Variants in MCM3AP observed in about 807,000 individuals in gnomAD.
MCM3AP encodes the protein minichromosome maintenance complex component 3 associated protein.
In MCM3AP, 126 loss-of-function variants were observed where a neutral mutation model predicts 184.1. That is an observed-to-expected ratio of 0.68 (90% CI 0.59 to 0.79). The LOEUF (loss-of-function observed/expected upper bound fraction) is 0.79, where lower values mean the gene tolerates loss of function less well. MCM3AP is among the 30% of genes least tolerant of loss of function. The pLI is 0.00. For missense variants in MCM3AP, 2,496 were observed against 2,479.2 expected, an observed-to-expected ratio of 1.01 and a Z score of -0.14; for synonymous variants, 1,002 against 979.3, an observed-to-expected ratio of 1.02 and a Z score of -0.43.
At position 46,265,344 on chromosome 21, in the gene MCM3AP, G is replaced by A. The variant is rs1417461888; in HGVS notation, c.3211C>T (p.Pro1071Ser). The A allele has an allele frequency of 8.7e-6, 14 of 1,613,824 alleles. No individual in the cohort carries two copies. The East Asian group carries it at 2.9e-4, about 33-fold the overall frequency. ...SVQPEPPPPE[P>S]VPMYSDEDLA... is the part of the protein sequence containing the mutation. ...ACCTCGTCAGAGTACATGGGCACGG[G>A]CTCTGGAGGCGGTGGTTCAGGCTGC... is the stretch of plus-strand genomic sequence containing the variant. The change falls in exon 12 of 28, where the codon CCC becomes TCC. Residue 1071 changes from proline (P) to serine (S), a missense_variant. Pro to Ser is a moderately conservative substitution (Grantham distance 74, BLOSUM62 -1). This residue lies in a region of MCM3AP where 1,323 missense variants were observed against 1,273.4 expected (regional missense o/e 1.04). Transcript: ENST00000291688.
chr21:46,285,624 A>AT, upstream of MCM3AP: 1 of 205,782 alleles, frequency 4.9e-6, no homozygotes, highest in Non-Finnish European at 9.7e-6. Flanking sequence ...AAAAAAAAAA[A>AT]GCCGAATCTT....
In MCM3AP at chr21:46,254,532, AG is replaced by A; in HGVS notation, c.4002-7del. 6.2e-7 allele frequency: 1 copy of A among 1,613,938 alleles called. No homozygotes were observed. The highest frequency in any genetic ancestry group is 8.5e-7 in the Non-Finnish European group (1 of 1,180,028). ...GAGACGCCCATGCCACATCACTGGGAGGAACAGACCACCGTGGATTAGCCAG... is the reference window on the plus strand; with the variant it reads ...GAGACGCCCATGCCACATCACTGGGAGAACAGACCACCGTGGATTAGCCAG... On this transcript the variant is annotated splice_region_variant and splice_polypyrimidine_tract_variant and intron_variant, in intron 18 of 27. Coordinates refer to ENST00000291688, the MANE Select transcript of MCM3AP (RefSeq NM_003906.5).
Position 46,273,535 on chromosome 21 carries a change from C to T in MCM3AP, c.2049G>A (p.Gln683=). The change falls in exon 7 of 28, where the codon CAG becomes CAA. Residue 683 remains glutamine (Q), a synonymous_variant. Coordinates refer to ENST00000291688, the MANE Select transcript of MCM3AP (RefSeq NM_003906.5). ...GCAGCTCGTGGGGCAGGGGCTCCTC[C>T]TGATCCGCCGAGGACCGACTGTACT... The part of the protein sequence containing the change: ...VKEYSRSSAD[Q]EEPLPHELRP... 6.2e-7 allele frequency: 1 copy of T among 1,613,784 alleles called. No homozygotes were observed. Among genetic ancestry groups the T allele is most frequent in the Non-Finnish European group, 8.5e-7 (1 of 1,179,822 alleles).
Position 46,261,390 on chromosome 21 carries a change from C to T in MCM3AP, c.3357G>A (p.Glu1119=). 6.2e-7 allele frequency: 1 copy of T among 1,614,098 alleles called. No individual in the cohort carries two copies. Among genetic ancestry groups the T allele is most frequent in the East Asian group, 2.2e-5 (1 of 44,872 alleles). ...CCGTGGTTGCAGCTGTTAACAAATC[C>T]TCCATAGCAGCATTAGAAACACTAA... The part of the protein sequence containing the change: ...AALGVSNAAM[E]DLLTAATTGI... The change falls in exon 14 of 28, where the codon GAG becomes GAA. Residue 1119 remains glutamate, a synonymous_variant. Transcript: ENST00000291688.
chr21:46,271,735 C>A (rs1451800827), intron 8 of MCM3AP, among the ~76,000 whole-genome samples: 1 of 151,818 alleles, frequency 6.6e-6, no homozygotes, highest in Non-Finnish European at 1.5e-5. Flanking sequence ...GTGGTATGTG[C>A]CTGTAATCCC....
chr21:46,274,975 C>T (rs556902597), intron 6 of MCM3AP, among the ~76,000 whole-genome samples: 7 of 146,338 alleles, frequency 4.8e-5, no homozygotes, highest in Non-Finnish European at 9.1e-5. Context: ...TGAAAAACAA[C>T]TTTATTTAAA....
intron 13 of MCM3AP, among the ~76,000 whole-genome samples, chr21:46,262,743 G>A (rs1255676204): frequency 6.6e-6 from 1 of 151,764 alleles, no homozygotes; most frequent in Non-Finnish European, 1.5e-5. Flanking sequence ...CGAGGCGGGT[G>A]GATCAGGAGG....
At chr21:46,261,134 G>A in intron 14 of MCM3AP, 146 bp downstream of exon 14, 1 of 1,082,510 alleles carries the variant, frequency 9.2e-7, no homozygotes, top group Admixed American at 2.0e-5. Context: ...CCACCCCCTG[G>A]GCTGAAGCAT....
chr21:46,272,960 G>A, intron 7 of MCM3AP, 131 bp from the exon 8 acceptor site: 1 of 870,592 alleles, frequency 1.1e-6, no homozygotes, highest in Non-Finnish European at 1.7e-6. Context: ...CATTTTAATA[G>A]GACTTTGTAG....
chr21:46,282,336 G>GA (rs1018338331), intron 2 of MCM3AP, among the ~76,000 whole-genome samples: 1 of 152,020 alleles, frequency 6.6e-6, no homozygotes, highest in Non-Finnish European at 1.5e-5. Flanking sequence ...GCCAACAGAC[G>GA]AATCAACAAA....
chr21:46,278,440 G>C (rs1313841022), intron 4 of MCM3AP, among the ~76,000 whole-genome samples: 3 of 152,152 alleles, frequency 2.0e-5, no homozygotes, highest in Non-Finnish European at 4.4e-5. Flanking sequence ...TCACAAAACG[G>C]AAAGTGAGGA....
At chr21:46,281,298 C>T (rs1301696640) in intron 2 of MCM3AP, among the ~76,000 whole-genome samples, 1 of 152,114 alleles carries the variant, frequency 6.6e-6, no homozygotes, top group Non-Finnish European at 1.5e-5. Context: ...CACACAAAAC[C>T]AACCACGTTA....
At chr21:46,259,151 C>T in intron 15 of MCM3AP, 60 bp from the exon 16 acceptor site, 1 of 1,541,036 alleles carries the variant, frequency 6.5e-7, no homozygotes, top group Non-Finnish European at 8.8e-7. Flanking sequence ...ACACTGAGGG[C>T]TTGCTTGAAA....
rs778139331 is a variant in MCM3AP at position 46,265,976 on chromosome 21, G to A, written c.2980C>T (p.Leu994=). ...GTGCTGACGGGCAGCTCCGCGGCCAGGCTCTCCCCGATGTACTTGTTCTGG... is the reference window on the plus strand; with the variant it reads ...GTGCTGACGGGCAGCTCCGCGGCCAAGCTCTCCCCGATGTACTTGTTCTGG... ...NSQNKYIGES[L]AAELPVSTQR... is the part of the protein sequence containing the mutation. The change falls in exon 11 of 28, where the codon CTG becomes TTG. Residue 994 remains leucine, a synonymous_variant. Coordinates refer to ENST00000291688, the MANE Select transcript of MCM3AP (RefSeq NM_003906.5). 2 of 1,605,124 alleles carry A rather than the reference G, an allele frequency of 1.2e-6. No homozygotes were observed. The highest frequency in any genetic ancestry group is 4.5e-5 in the East Asian group (2 of 44,706).
chr21:46,262,935 T>C (rs1356358407), intron 13 of MCM3AP, among the ~76,000 whole-genome samples: 1 of 117,136 alleles, frequency 8.5e-6, no homozygotes, highest in Non-Finnish European at 1.6e-5. Context: ...GCCACTGCAC[T>C]CCAGCCTGGG....
chr21:46,245,037 T>A lies in MCM3AP; in HGVS notation c.4808A>T (p.Gln1603Leu), dbSNP rs1264893858. Residue 1603 changes from glutamine (Q) to leucine (L), a missense_variant, in exon 23 of 28, where the codon CAG becomes CTG. Coordinates refer to ENST00000291688, the MANE Select transcript of MCM3AP (RefSeq NM_003906.5). The stretch of plus-strand genomic sequence containing the variant: ...CAGCTCAATGATGGCGCCAGGCTCC[T>A]GAGAAGCAAGACCGCCCAGACGCCT... ...RERRLGGLAS[Q>L]EPGAIIELFN... is the part of the protein sequence containing the mutation. 1 of 1,614,082 alleles carries A rather than the reference T, an allele frequency of 6.2e-7. No individual in the cohort carries two copies. The highest frequency in any genetic ancestry group is 1.3e-5 in the African/African-American group (1 of 74,930).
chr21:46,244,630 C>T (rs2080732616), intron 23 of MCM3AP, 177 bp downstream of exon 23: 6 of 687,470 alleles, frequency 8.7e-6, no homozygotes, highest in Non-Finnish European at 1.2e-5. Flanking sequence ...CTTGTTCTGG[C>T]TCATGAACCC....
chr21:46,256,700 C>G, intron 17 of MCM3AP, 89 bp downstream of exon 17: 5 of 1,445,528 alleles, frequency 3.5e-6, no homozygotes, highest in Non-Finnish European at 4.6e-6. Context: ...CCTATCTTCA[C>G]CCTCCAAACA....
chr21:46,277,828 G>A lies in MCM3AP; in HGVS notation c.1668-111C>T, dbSNP rs1191143252. On this transcript the variant is annotated intron_variant, in intron 4 of 27. Coordinates refer to ENST00000291688, the MANE Select transcript of MCM3AP (RefSeq NM_003906.5). Reference sequence around the variant, plus strand: ...CAAGATTTTCTGGTCCTCTAAAGCTGAGAAACTACAAGCACTGAAATGAGA... The same window carrying A: ...CAAGATTTTCTGGTCCTCTAAAGCTAAGAAACTACAAGCACTGAAATGAGA... 8.4e-5 allele frequency: 48 copies of A among 569,054 alleles called. 1 individual carries two copies. The South Asian group carries it at 1.3e-3, about 15-fold the overall frequency. 35.3% of individuals were successfully genotyped at this position (569,054 alleles called of 1,614,324 possible).
Sources: allele counts gnomAD v4.1 joint callset (sites outside exome capture counted in the v4.1 genomes callset), GRCh38; gene constraint gnomAD v4.1.1; regional missense constraint gnomAD v4.1.1; transcripts MANE v1.5; gene names NCBI Gene and HGNC (gene_info 2026-07-23, HGNC 2026-07-21).